B3GAT1: variants seen among roughly 807,000 people sequenced by gnomAD.
B3GAT1 encodes the protein galactosylgalactosylxylosylprotein 3-beta-glucuronosyltransferase 1.
Under a neutral mutation model 28.4 loss-of-function variants are expected in B3GAT1, and 11 were observed. The observed-to-expected ratio is 0.39, with a 90% CI of 0.24 to 0.64. B3GAT1 has a LOEUF of 0.64. B3GAT1 is among the 30% of genes least tolerant of loss of function. The pLI is 0.50. For synonymous variants in B3GAT1, 255 were observed against 223.1 expected, an observed-to-expected ratio of 1.14 and a Z score of -1.27; for missense variants, 375 against 491.0, an observed-to-expected ratio of 0.76 and a Z score of 2.23.
rs941704395 is a variant in B3GAT1, at chr11:134,380,605, G to T, written c.*157C>A. On this transcript the variant is annotated 3_prime_UTR_variant, in exon 6 of 6. Coordinates refer to ENST00000312527, the MANE Select transcript of B3GAT1 (RefSeq NM_054025.3). Reference sequence around the variant, plus strand: ...TCTGTGCTTAAATTCTCTGTCCTTTGTTCTGGCATCAGGCTGGGCTCTCTC... The same window carrying T: ...TCTGTGCTTAAATTCTCTGTCCTTTTTTCTGGCATCAGGCTGGGCTCTCTC... 1 of 152,736 alleles carries T rather than the reference G, an allele frequency of 6.5e-6. No homozygotes were observed. Among genetic ancestry groups the T allele is most frequent in the Admixed American group, 6.5e-5 (1 of 15,292 alleles). 9.5% of individuals were successfully genotyped at this position (152,736 alleles called of 1,614,324 possible).
At position 134,405,030 on chromosome 11, in the gene B3GAT1, C is replaced by T. The variant is rs542361727; in HGVS notation, c.-282+6777G>A. On this transcript the variant is annotated intron_variant, in intron 1 of 5. Transcript: ENST00000312527. ...CCGTGCCACGAGCGGCCGTCTCTCCCACTCTGTGGTCTGTGGATGAGGGAA... is the reference window on the plus strand; with the variant it reads ...CCGTGCCACGAGCGGCCGTCTCTCCTACTCTGTGGTCTGTGGATGAGGGAA... 1.1e-4 allele frequency among the ~76,000 whole-genome samples: 17 copies of T among 152,282 alleles called. No individual in the cohort carries two copies. The South Asian group carries it at 1.7e-3, about 15-fold the overall frequency.
At chr11:134,410,124 C>A (rs1944824354) in intron 1 of B3GAT1, among the ~76,000 whole-genome samples, 1 of 152,250 alleles carries the variant, frequency 6.6e-6, no homozygotes, top group Non-Finnish European at 1.5e-5. Context: ...TGCCCCAGGG[C>A]ATCCTCCTGT....
At chr11:134,396,305 C>A (rs1192388835) in intron 1 of B3GAT1, among the ~76,000 whole-genome samples, 1 of 152,042 alleles carries the variant, frequency 6.6e-6, no homozygotes, top group African/African-American at 2.4e-5. Flanking sequence ...TGGGCCATGT[C>A]TGGCCCTCAG....
chr11:134,400,440 C>T (rs114265866), intron 1 of B3GAT1, among the ~76,000 whole-genome samples: 3,226 of 152,244 alleles, frequency 0.021, 59 homozygotes, highest in African/African-American at 0.054. Flanking sequence ...CGGAAAACAC[C>T]TAGCATAAGG....
In B3GAT1 at chr11:134,393,690, G is replaced by A. The variant is rs1403528030; in HGVS notation, c.-281-5750C>T. Among the ~76,000 whole-genome samples, 2 of 152,220 alleles carry A rather than the reference G, an allele frequency of 1.3e-5. No individual in the cohort carries two copies. ...TAGCAAGCGAGACGGTGAGTGCTGT[G>A]AACAGGCTGGGAACCGGCGTCACTG... On this transcript the variant is annotated intron_variant, in intron 1 of 5. Coordinates refer to ENST00000312527, the MANE Select transcript of B3GAT1 (RefSeq NM_054025.3). This position sits in a 1 kb window ranked among gnomAD's most constrained non-coding sequence, Gnocchi z 4.0.
intron 1 of B3GAT1, among the ~76,000 whole-genome samples, chr11:134,403,379 G>T (rs895549780): frequency 3.3e-5 from 5 of 152,196 alleles, no homozygotes; most frequent in Non-Finnish European, 4.4e-5. Context: ...TCCACTTGCT[G>T]AGTTGCTTGG....
rs1266753506 is a variant in B3GAT1, at chr11:134,380,621, G to A, written c.*141C>T. 6.5e-6 allele frequency: 1 copy of A among 152,740 alleles called. No individual in the cohort carries two copies. The highest frequency in any genetic ancestry group is 2.4e-5 in the African/African-American group (1 of 41,456). 9.5% of individuals were successfully genotyped at this position (152,740 alleles called of 1,614,324 possible). A position where few individuals can be genotyped will look rare whatever the true frequency, so the allele number is the denominator to read the frequency against. ...CTGTCCTTTGTTCTGGCATCAGGCTGGGCTCTCTCAGAAGCCCCCAGAATA... is the reference window on the plus strand; with the variant it reads ...CTGTCCTTTGTTCTGGCATCAGGCTAGGCTCTCTCAGAAGCCCCCAGAATA... On this transcript the variant is annotated 3_prime_UTR_variant, in exon 6 of 6. Transcript: ENST00000312527.
At chr11:134,405,058 G>A (rs991089547) in intron 1 of B3GAT1, among the ~76,000 whole-genome samples, 1 of 152,192 alleles carries the variant, frequency 6.6e-6, no homozygotes, top group Non-Finnish European at 1.5e-5. Flanking sequence ...TGAGGGAAGA[G>A]GAGGGAAGAA....
At position 134,383,731 on chromosome 11, in the gene B3GAT1, C is replaced by G; in HGVS notation, c.570G>C (p.Val190=). 1.9e-6 allele frequency: 3 copies of G among 1,593,506 alleles called. No individual in the cohort carries two copies. Among genetic ancestry groups the G allele is most frequent in the Non-Finnish European group, 2.6e-6 (3 of 1,167,022 alleles). Residue 190 remains valine (V), a synonymous_variant, in exon 3 of 6, where the codon GTG becomes GTC. Coordinates refer to ENST00000312527, the MANE Select transcript of B3GAT1 (RefSeq NM_054025.3). ...TFPRNSSQPG[V]VYFADDDNTY... is the part of the protein sequence containing the mutation. ...TGTTGTCGTCGTCGGCGAAGTAGAC[C>G]ACGCCAGGCTGGCTGGAGTTGCGCG...
chr11:134,391,195 C>T (rs1217816933), intron 1 of B3GAT1: 1 of 152,202 alleles, frequency 6.6e-6, no homozygotes, highest in Non-Finnish European at 1.5e-5. Flanking sequence ...TTGAAAACCC[C>T]ATAACTTTAA....
chr11:134,402,804 T>C (rs1251470951), intron 1 of B3GAT1, among the ~76,000 whole-genome samples: 1 of 150,814 alleles, frequency 6.6e-6, no homozygotes, highest in East Asian at 2.0e-4. Flanking sequence ...TCCCAGCTAC[T>C]GGGGAGGCTG....
rs774784159 is a variant in B3GAT1 at position 134,383,764 on chromosome 11, C to T, written c.537G>A (p.Glu179=). 1.9e-6 allele frequency: 3 copies of T among 1,596,676 alleles called. No homozygotes were observed. The highest frequency in any genetic ancestry group is 2.2e-5 in the South Asian group (2 of 89,080). Residue 179 remains glutamate, a synonymous_variant, in exon 3 of 6, where the codon GAG becomes GAA. Transcript: ENST00000312527. The stretch of plus-strand genomic sequence containing the variant: ...GCTGGCTGGAGTTGCGCGGGAAGGT[C>T]TCGCGCAGCCAGCGCAGGGCCAGGT... The part of the protein sequence containing the change: ...QRNLALRWLR[E]TFPRNSSQPG...
chr11:134,387,435 C>T, intron 2 of B3GAT1, 113 bp downstream of exon 2: 1 of 1,393,074 alleles, frequency 7.2e-7, no homozygotes, highest in African/African-American at 1.4e-5. Context: ...CTAGATGATC[C>T]CGTGGTTCCT....
intron 1 of B3GAT1, chr11:134,389,080 T>A (rs1256343176): frequency 6.6e-6 from 1 of 152,266 alleles, no homozygotes; most frequent in Non-Finnish European, 1.5e-5. Context: ...CAACAGAGTA[T>A]ACGTGTTGCC....
At chr11:134,405,446 G>C (rs555742213) in intron 1 of B3GAT1, among the ~76,000 whole-genome samples, 5 of 152,210 alleles carry the variant, frequency 3.3e-5, no homozygotes, top group Non-Finnish European at 7.3e-5. Flanking sequence ...AGCAATTCAC[G>C]GGTTTCATTA....
intron 1 of B3GAT1, among the ~76,000 whole-genome samples, chr11:134,405,935 T>TC (rs1298629355): frequency 6.6e-6 from 1 of 152,082 alleles, no homozygotes; most frequent in Non-Finnish European, 1.5e-5. Flanking sequence ...GTGGGCAGGG[T>TC]CCCTCCCTCT....
rs776825420 is a variant in B3GAT1, at chr11:134,382,928, C to T, written c.700G>A (p.Gly234Arg). The T allele has an allele frequency of 6.5e-5, 104 of 1,611,104 alleles. No homozygotes were observed. In the South Asian group the frequency reaches 6.5e-4, roughly 10 times the overall value. The change falls in exon 4 of 6, where the codon GGG becomes AGG. Residue 234 changes from glycine to arginine, a missense_variant. Gly to Arg is a moderately radical substitution (Grantham distance 125). Coordinates refer to ENST00000312527, the MANE Select transcript of B3GAT1 (RefSeq NM_054025.3). ...TTCCAGCCGACCACCTTCCCTGCCC[C>T]GTTCACCCGTGGGGCCTCGTACCGC... ...GLRYEAPRVNGAGKVVGWKTV... is the reference protein window; with the variant it reads ...GLRYEAPRVNRAGKVVGWKTV...
At chr11:134,403,484 A>T (rs576880339) in intron 1 of B3GAT1, among the ~76,000 whole-genome samples, 18 of 152,236 alleles carry the variant, frequency 1.2e-4, no homozygotes, top group Admixed American at 1.1e-3. Flanking sequence ...GCAGGAAGGG[A>T]GCCCCAGAGG....
intron 1 of B3GAT1, among the ~76,000 whole-genome samples, chr11:134,405,689 G>A (rs1485855002): frequency 6.6e-6 from 1 of 152,196 alleles, no homozygotes; most frequent in East Asian, 1.9e-4. Context: ...AGGGCACTGG[G>A]GCATGCAGCC....
Sources: gnomAD v4.1 joint callset for allele counts (sites outside exome capture counted in the v4.1 genomes callset) on GRCh38, gnomAD v4.1.1 for gene constraint, Gnocchi (gnomAD v3.1) non-coding constraint, MANE v1.5 for transcripts, NCBI Gene and HGNC (gene_info 2026-07-23, HGNC 2026-07-21) for gene names.